The following DHRSX variants were observed in gnomAD, a reference collection of about 807,000 sequenced individuals.
DHRSX encodes the protein polyprenol dehydrogenase.
A neutral mutation model predicts 34.0 loss-of-function variants in DHRSX; 31 were observed. The ratio of observed to expected loss-of-function variants is 0.91; its 90% CI spans 0.69 to 1.23. The LOEUF (loss-of-function observed/expected upper bound fraction) is 1.23, where lower values mean the gene tolerates loss of function less well. DHRSX is among the 50% of genes most tolerant of loss of function. The pLI is 0.00. For synonymous variants in DHRSX, 201 were observed against 183.8 expected (o/e 1.09, Z -0.76); for missense variants, 414 against 428.1 (o/e 0.97, Z 0.29).
At chrX:2,473,255 C>A (rs192994633) in intron 1 of DHRSX, among the ~76,000 whole-genome samples, 31,054 of 151,706 alleles carry the variant, frequency 0.2, 4,254 homozygotes, top group African/African-American at 0.39. Context: ...AAGTCCAGAC[C>A]ACACGGAAGG....
intron 5 of DHRSX, among the ~76,000 whole-genome samples, chrX:2,246,753 AG>A (rs1234540989): frequency 6.6e-6 from 1 of 150,998 alleles, no homozygotes; most frequent in Non-Finnish European, 1.5e-5. Context: ...AGAAAGAAAA[AG>A]AAAGAAAATA....
At chrX:2,428,486 T>C (rs1352414536) in intron 1 of DHRSX, among the ~76,000 whole-genome samples, 4 of 152,166 alleles carry the variant, frequency 2.6e-5, no homozygotes, top group Non-Finnish European at 5.9e-5. Context: ...TGGATGAAGC[T>C]GGAAACCATC....
intron 3 of DHRSX, among the ~76,000 whole-genome samples, chrX:2,294,072 A>AGAGAG (rs1569484762): frequency 8.4e-6 from 1 of 118,922 alleles, no homozygotes; most frequent in African/African-American, 3.3e-5. Flanking sequence ...GAGAGAGAGA[A>AGAGAG]AGAGAGAAAG....
At chrX:2,479,625 A>C (rs2044738830) in intron 1 of DHRSX, among the ~76,000 whole-genome samples, 3 of 144,858 alleles carry the variant, frequency 2.1e-5, no homozygotes, top group African/African-American at 5.2e-5. Context: ...CCAAGGGACC[A>C]CTGCCCTGTG....
intron 1 of DHRSX, among the ~76,000 whole-genome samples, chrX:2,476,814 G>C (rs2044687179): frequency 2.0e-5 from 3 of 152,048 alleles, no homozygotes; most frequent in Admixed American, 2.0e-4. Context: ...GACCAGCCTG[G>C]CCAACATGGA....
rs111697078 is a variant in DHRSX, at chrX:2,397,930, G to GCACACACACACACA, written c.286+10801_286+10814dup. ...AAAAGTGCCAATATCCTCAGAGCGC[G>GCACACACACACACA]CACACACACACACACACACACACAT... On this transcript the variant is annotated intron_variant, in intron 3 of 6. Transcript: ENST00000334651. Among the ~76,000 whole-genome samples, 133 of 138,530 alleles carry GCACACACACACACA rather than the reference G, an allele frequency of 9.6e-4. 3 individuals carry two copies. The highest frequency in any genetic ancestry group is 3.8e-3 in the African/African-American group (129 of 34,330). The allele number at this position is 138,530 out of a possible 152,430, so 90.9% of individuals were successfully genotyped here.
chrX:2,356,374 C>CA (rs1416397406), intron 3 of DHRSX, among the ~76,000 whole-genome samples: 1 of 151,130 alleles, frequency 6.6e-6, no homozygotes, highest in Non-Finnish European at 1.5e-5. Flanking sequence ...GACTCTGTCT[C>CA]AAAAAAAGAA....
chrX:2,396,380 T>TC (rs1210452945), intron 3 of DHRSX, among the ~76,000 whole-genome samples: 27 of 139,430 alleles, frequency 1.9e-4, no homozygotes, highest in South Asian at 4.8e-4. Context: ...TTTTTCTTTT[T>TC]TTTTTTTTTT....
rs1266874686 is a variant in DHRSX, at chrX:2,313,678, T to C, written c.287-22075A>G. ...CACGACGCCCAGCCGTGATTTATAA[T>C]TGTTGATGAAAAGAGTCAAACTCTG... On this transcript the variant is annotated intron_variant, in intron 3 of 6. Transcript: ENST00000334651. 3.9e-5 allele frequency among the ~76,000 whole-genome samples: 6 copies of C among 152,132 alleles called. 1 individual carries two copies.
chrX:2,230,752 C>T (rs1225698679), intron 6 of DHRSX, among the ~76,000 whole-genome samples: 1 of 152,116 alleles, frequency 6.6e-6, no homozygotes, highest in African/African-American at 2.4e-5. Flanking sequence ...CCAGCCTGCC[C>T]TGCAGATTTT....
chrX:2,345,474 C>G (rs1352805013), intron 3 of DHRSX, among the ~76,000 whole-genome samples: 2 of 151,668 alleles, frequency 1.3e-5, no homozygotes, highest in Admixed American at 6.6e-5. Flanking sequence ...GAAACCTTGT[C>G]TCTACCAAAA....
At chrX:2,321,207 G>C (rs1048057764) in intron 3 of DHRSX, among the ~76,000 whole-genome samples, 3 of 152,168 alleles carry the variant, frequency 2.0e-5, no homozygotes, top group Admixed American at 1.3e-4. Context: ...TGCTGCCAAA[G>C]AGCTTGATGG....
chrX:2,457,705 C>A (rs1257384683), intron 1 of DHRSX, among the ~76,000 whole-genome samples: 2 of 150,850 alleles, frequency 1.3e-5, no homozygotes, highest in African/African-American at 4.9e-5. Flanking sequence ...GCCCTGTACA[C>A]ACTGAAGACG....
chrX:2,344,872 CATATATATATATATATATATATATATAT>C (rs775259345), intron 3 of DHRSX, among the ~76,000 whole-genome samples: 57 of 98,356 alleles, frequency 5.8e-4, no homozygotes, highest in East Asian at 5.0e-3. Context: ...TAAAAAGAAG[CATATATATATATATATATATATATATAT>C]ATATATATAT....
chrX:2,477,799 C>G (rs1052341289), intron 1 of DHRSX, among the ~76,000 whole-genome samples: 1 of 151,898 alleles, frequency 6.6e-6, no homozygotes, highest in Admixed American at 6.6e-5. Flanking sequence ...GAGCCGAGAT[C>G]CCTCCACTGC....
chrX:2,265,919 C>A (rs767963257), intron 5 of DHRSX, among the ~76,000 whole-genome samples: 1 of 111,012 alleles, frequency 9.0e-6, no homozygotes, highest in South Asian at 3.4e-4. Context: ...AGCACCAGTG[C>A]TCGGCAGATG....
At chrX:2,287,975 T>G (rs2041824464) in intron 4 of DHRSX, among the ~76,000 whole-genome samples, 1 of 152,068 alleles carries the variant, frequency 6.6e-6, no homozygotes, top group South Asian at 2.1e-4. Flanking sequence ...CACATGAAAA[T>G]GTGACTTTCA....
At chrX:2,222,891 A>G (rs1412898559) in intron 6 of DHRSX, among the ~76,000 whole-genome samples, 1 of 152,176 alleles carries the variant, frequency 6.6e-6, no homozygotes, top group African/African-American at 2.4e-5. Flanking sequence ...CCACCAGCCC[A>G]TCCTCTGGGT....
At chrX:2,298,628 ACACACACACG>A (rs2041972011) in intron 3 of DHRSX, among the ~76,000 whole-genome samples, 2 of 127,566 alleles carry the variant, frequency 1.6e-5, no homozygotes, top group African/African-American at 5.4e-5. Flanking sequence ...ACACACACAC[ACACACACACG>A]AGGTCTTATT....
Sources: allele counts gnomAD v4.1 joint callset (sites outside exome capture counted in the v4.1 genomes callset), GRCh38; gene constraint gnomAD v4.1.1; transcripts MANE v1.5; gene names NCBI Gene and HGNC (gene_info 2026-07-23, HGNC 2026-07-21).